SLC44A5: variants seen among roughly 807,000 people sequenced by gnomAD.
SLC44A5 encodes the protein solute carrier family 44 member 5, also known as choline transporter-like protein 5.
Under a neutral mutation model 101.8 loss-of-function variants are expected in SLC44A5, and 57 were observed. That is an observed-to-expected ratio of 0.56 (90% CI 0.45 to 0.70). The LOEUF is 0.70. Ranked by LOEUF, SLC44A5 falls within the 30% of genes least tolerant of loss-of-function variation. SLC44A5 has a pLI of 0.00. For missense variants in SLC44A5, 737 were observed against 853.1 expected (o/e 0.86, Z 1.70); for synonymous variants, 281 against 290.9 (o/e 0.97, Z 0.35).
At chr1:75,529,009 A>G (rs1327584895) in intron 2 of SLC44A5, among the ~76,000 whole-genome samples, 4 of 152,184 alleles carry the variant, frequency 2.6e-5, no homozygotes, top group Non-Finnish European at 5.9e-5. Flanking sequence ...CATAACACAT[A>G]ACTCACTGTT....
At chr1:75,318,282 TG>T (rs994098927) in intron 4 of SLC44A5, among the ~76,000 whole-genome samples, 3 of 151,524 alleles carry the variant, frequency 2.0e-5, no homozygotes, top group African/African-American at 7.3e-5. Context: ...GAGGCTGAGG[TG>T]GGAGGATTGC....
At chr1:75,702,336 G>A in the SLC44A5 span, among the ~76,000 whole-genome samples, 2 of 152,168 alleles carry the variant, frequency 1.3e-5, no homozygotes, top group Non-Finnish European at 2.9e-5. Context: ...ACAGAACAGA[G>A]CCCTCAGAAA....
At chr1:75,282,005 C>T (rs908365563) in intron 5 of SLC44A5, among the ~76,000 whole-genome samples, 1 of 152,164 alleles carries the variant, frequency 6.6e-6, no homozygotes, top group African/African-American at 2.4e-5. Flanking sequence ...CCACCATCCT[C>T]TAGATCCCAG....
intron 2 of SLC44A5, among the ~76,000 whole-genome samples, chr1:75,473,742 T>C (rs1437231280): frequency 6.6e-6 from 1 of 152,222 alleles, no homozygotes; most frequent in Admixed American, 6.5e-5. Context: ...CCTTATTTTT[T>C]ATGTTCTTTC....
chr1:75,340,494 T>G (rs902259433), intron 3 of SLC44A5, among the ~76,000 whole-genome samples: 3 of 152,222 alleles, frequency 2.0e-5, no homozygotes, highest in Non-Finnish European at 4.4e-5. Context: ...GACAGTTGAT[T>G]TGTACTTCAG....
At chr1:75,433,961 C>T (rs1243517983) in intron 2 of SLC44A5, among the ~76,000 whole-genome samples, 1 of 152,100 alleles carries the variant, frequency 6.6e-6, no homozygotes, top group Non-Finnish European at 1.5e-5. Context: ...TCTCATGAGA[C>T]TTATTCACTG....
At chr1:75,635,668 A>C in the SLC44A5 span, among the ~76,000 whole-genome samples, 1 of 57,446 alleles carries the variant, frequency 1.7e-5, no homozygotes, top group African/African-American at 6.9e-5. Flanking sequence ...GGGTGGGGGG[A>C]GGGGGGGAGG....
At chr1:75,418,887 C>T (rs1663827632) in intron 2 of SLC44A5, among the ~76,000 whole-genome samples, 1 of 151,824 alleles carries the variant, frequency 6.6e-6, no homozygotes, top group African/African-American at 2.4e-5. Flanking sequence ...AACTAGAAAA[C>T]CAGAAAAAAA....
At chr1:75,328,657 T>C (rs904015532) in intron 4 of SLC44A5, among the ~76,000 whole-genome samples, 2 of 152,194 alleles carry the variant, frequency 1.3e-5, no homozygotes, top group Non-Finnish European at 2.9e-5. Flanking sequence ...GGGTATTAGA[T>C]GATCATATGG....
chr1:75,210,202 G>T (rs538962546), intron 23 of SLC44A5, among the ~76,000 whole-genome samples: 1 of 151,506 alleles, frequency 6.6e-6, no homozygotes, highest in African/African-American at 2.4e-5. Context: ...GTGTGCTACC[G>T]TGCCTGGCTA....
At chr1:75,316,902 T>C (rs941000233) in intron 4 of SLC44A5, among the ~76,000 whole-genome samples, 32 of 152,032 alleles carry the variant, frequency 2.1e-4, no homozygotes, top group Non-Finnish European at 1.2e-4. Flanking sequence ...TGAATGCAAA[T>C]GTGTAAGGTT....
At chr1:75,658,958 A>G in the SLC44A5 span, among the ~76,000 whole-genome samples, 2 of 152,134 alleles carry the variant, frequency 1.3e-5, no homozygotes, top group East Asian at 3.8e-4. Flanking sequence ...AACTGATACC[A>G]CAGACATATA....
At chr1:75,570,444 T>C (rs1570639067) in intron 1 of SLC44A5, among the ~76,000 whole-genome samples, 1 of 151,994 alleles carries the variant, frequency 6.6e-6, no homozygotes, top group African/African-American at 2.4e-5. Context: ...AAGAGGAGGG[T>C]TCAATCTATT....
At chr1:75,709,067 A>C in the SLC44A5 span, among the ~76,000 whole-genome samples, 39,753 of 151,940 alleles carry the variant, frequency 0.26, 6,464 homozygotes, top group East Asian at 0.68. Flanking sequence ...CTGTGCTATG[A>C]TTTTGACCTC....
intron 1 of SLC44A5, among the ~76,000 whole-genome samples, chr1:75,556,502 C>G (rs1257920169): frequency 6.6e-6 from 1 of 152,068 alleles, no homozygotes; most frequent in Non-Finnish European, 1.5e-5. Context: ...TACTCTGAGA[C>G]AGGCACTTTG....
At chr1:75,463,419 CAAAAAA>C (rs34371845) in intron 2 of SLC44A5, among the ~76,000 whole-genome samples, 2 of 70,014 alleles carry the variant, frequency 2.9e-5, no homozygotes, top group Non-Finnish European at 4.9e-5. Context: ...GACTCTGTCT[CAAAAAA>C]AAAAAAAAAA....
chr1:75,638,185 G>C, the SLC44A5 span, among the ~76,000 whole-genome samples: 1 of 151,854 alleles, frequency 6.6e-6, no homozygotes, highest in Admixed American at 6.6e-5. Context: ...ATCATTTATT[G>C]TCTTATTATA....
At chr1:75,600,811 C>T (rs1674930770) in intron 1 of SLC44A5, among the ~76,000 whole-genome samples, 1 of 152,082 alleles carries the variant, frequency 6.6e-6, no homozygotes, top group Admixed American at 6.6e-5. Flanking sequence ...TATAGCCTAT[C>T]TATGTGTATA....
intron 2 of SLC44A5, among the ~76,000 whole-genome samples, chr1:75,409,433 A>G (rs1570179912): frequency 6.6e-6 from 1 of 152,142 alleles, no homozygotes; most frequent in East Asian, 1.9e-4. Context: ...TTAAAAAAGA[A>G]AGGTGATTGA....
Sources: gnomAD v4.1 joint callset for allele counts (sites outside exome capture counted in the v4.1 genomes callset) on GRCh38, gnomAD v4.1.1 for gene constraint, MANE v1.5 for transcripts, NCBI Gene and HGNC (gene_info 2026-07-23, HGNC 2026-07-21) for gene names.